CACNA1C: variants seen among roughly 807,000 people sequenced by gnomAD.
CACNA1C encodes the protein voltage-dependent L-type calcium channel subunit alpha-1C.
CACNA1C carries 30 observed loss-of-function variants against 229.0 expected under a neutral mutation model. The observed-to-expected ratio is 0.13, with a 90% CI of 0.10 to 0.18. CACNA1C has a LOEUF of 0.18. Ranked by LOEUF, CACNA1C falls within the 10% of genes least tolerant of loss-of-function variation. The pLI is 1.00. For synonymous variants in CACNA1C, 1,114 were observed against 1,132.5 expected (o/e 0.98, Z 0.33); for missense variants, 1,658 against 2,845.0 (o/e 0.58, Z 9.49).
chr12:2,192,016 A>G (rs981422677), intron 3 of CACNA1C, among the ~76,000 whole-genome samples: 5 of 151,768 alleles, frequency 3.3e-5, no homozygotes, highest in Middle Eastern at 3.4e-3. Context: ...ACATACGTTC[A>G]CACATATACA....
chr12:2,229,788 G>A (rs745616970), intron 3 of CACNA1C, among the ~76,000 whole-genome samples: 5 of 152,306 alleles, frequency 3.3e-5, no homozygotes, highest in African/African-American at 4.8e-5. Context: ...GCGAGGGAGC[G>A]GCATGAGCAG....
intron 3 of CACNA1C, among the ~76,000 whole-genome samples, chr12:2,213,484 A>G (rs1012001400): frequency 1.3e-5 from 2 of 152,198 alleles, no homozygotes; most frequent in Non-Finnish European, 2.9e-5. Context: ...ACACATGGAC[A>G]TCTAGACGGG....
At chr12:2,080,607 A>AAAAACAC (rs1353910712) in intron 1 of CACNA1C, among the ~76,000 whole-genome samples, 1 of 152,014 alleles carries the variant, frequency 6.6e-6, no homozygotes, top group Non-Finnish European at 1.5e-5. Context: ...TCTCAAAAAA[A>AAAAACAC]AAAACAAAAA....
chr12:2,284,809 G>A (rs1276741879), intron 3 of CACNA1C, among the ~76,000 whole-genome samples: 1 of 152,238 alleles, frequency 6.6e-6, no homozygotes, highest in African/African-American at 2.4e-5. Flanking sequence ...AGTCTGCAGG[G>A]AAGGGATGCC....
At position 2,097,535 on chromosome 12, in the gene CACNA1C, A is replaced by G. The variant is rs907080594; in HGVS notation, c.50-17689A>G. Among the ~76,000 whole-genome samples, 11 of 152,028 alleles carry G rather than the reference A, an allele frequency of 7.2e-5. 1 individual carries two copies. Among genetic ancestry groups the G allele is most frequent in the Non-Finnish European group, 1.5e-4 (10 of 68,000 alleles). On this transcript the variant is annotated intron_variant, in intron 1 of 46. Coordinates refer to ENST00000399655, the MANE Select transcript of CACNA1C (RefSeq NM_000719.7). ...CCACCAGCAACACATGAAGTTTCCA[A>G]TTTTTCCACATGATTGCCAATACTT...
intron 9 of CACNA1C, among the ~76,000 whole-genome samples, chr12:2,517,215 A>G (rs1032700259): frequency 1.3e-5 from 2 of 152,230 alleles, no homozygotes; most frequent in African/African-American, 4.8e-5. Flanking sequence ...TCGAGTCTGC[A>G]TGCCTCCTGC....
Position 2,585,697 on chromosome 12 carries a change from G to A in CACNA1C, c.2461-138G>A. The A allele has an allele frequency of 2.3e-6, 2 of 886,488 alleles. No individual in the cohort carries two copies. Among genetic ancestry groups the A allele is most frequent in the Non-Finnish European group, 3.7e-6 (2 of 547,382 alleles). The allele number at this position is 886,488 out of a possible 1,614,324, so 54.9% of individuals were successfully genotyped here. A position where few individuals can be genotyped will look rare whatever the true frequency, so the allele number is the denominator to read the frequency against. Reference sequence around the variant, plus strand: ...GATCCCAGCCATCTGCTGATGTCTTGAAGGAGATATGCAAAGTGACAAGTA... The same window carrying A: ...GATCCCAGCCATCTGCTGATGTCTTAAAGGAGATATGCAAAGTGACAAGTA... On this transcript the variant is annotated intron_variant, in intron 17 of 46. Coordinates refer to ENST00000399655, the MANE Select transcript of CACNA1C (RefSeq NM_000719.7). This position sits in a 1 kb window ranked among gnomAD's most constrained non-coding sequence, Gnocchi z 4.1.
chr12:2,652,842 T>C (rs1010179485), intron 32 of CACNA1C, among the ~76,000 whole-genome samples: 1 of 152,218 alleles, frequency 6.6e-6, no homozygotes, highest in Non-Finnish European at 1.5e-5. Context: ...CCGCTGACTC[T>C]GTACTTGGGT....
chr12:2,059,068 C>A (rs779628542), intron 1 of CACNA1C, among the ~76,000 whole-genome samples: 34 of 152,100 alleles, frequency 2.2e-4, no homozygotes, highest in Admixed American at 1.2e-3. Context: ...TTTCCCCTGC[C>A]GAATTCAGGC....
chr12:2,237,412 G>A (rs974320658), intron 3 of CACNA1C, among the ~76,000 whole-genome samples: 2 of 152,226 alleles, frequency 1.3e-5, no homozygotes, highest in Non-Finnish European at 2.9e-5. Flanking sequence ...GGAGCTGAGA[G>A]AAAATAAACC....
chr12:2,335,819 G>A (rs1256961280), intron 3 of CACNA1C, among the ~76,000 whole-genome samples: 1 of 152,184 alleles, frequency 6.6e-6, no homozygotes, highest in African/African-American at 2.4e-5. Context: ...GCAGGATGAA[G>A]AAAGTTGTTG....
intron 3 of CACNA1C, among the ~76,000 whole-genome samples, chr12:2,280,910 G>A (rs2090994717): frequency 1.3e-5 from 2 of 152,194 alleles, no homozygotes; most frequent in East Asian, 1.9e-4. Flanking sequence ...TGACTTATTA[G>A]CTAAAATCCA....
chr12:2,564,154 A>C (rs1255732395), intron 11 of CACNA1C, among the ~76,000 whole-genome samples: 1 of 152,096 alleles, frequency 6.6e-6, no homozygotes, highest in Non-Finnish European at 1.5e-5. Context: ...ACACACACAC[A>C]CCGGAAACAA....
chr12:2,385,668 C>G (rs2098368170), intron 3 of CACNA1C, among the ~76,000 whole-genome samples: 1 of 152,204 alleles, frequency 6.6e-6, no homozygotes, highest in Non-Finnish European at 1.5e-5. Flanking sequence ...AGAAGCAAAC[C>G]TGGTAAAATT....
intron 1 of CACNA1C, among the ~76,000 whole-genome samples, chr12:2,103,235 T>G (rs1052499610): frequency 6.6e-6 from 1 of 152,206 alleles, no homozygotes; most frequent in Non-Finnish European, 1.5e-5. Context: ...TCCACATCCT[T>G]TCCAGCATCT....
chr12:2,099,108 G>A (rs532940713), intron 1 of CACNA1C, among the ~76,000 whole-genome samples: 19 of 152,352 alleles, frequency 1.2e-4, no homozygotes, highest in African/African-American at 4.6e-4. Flanking sequence ...TCTCGCTGCC[G>A]CTCACTCTGG....
chr12:2,450,350 C>G (rs10848657), intron 4 of CACNA1C, among the ~76,000 whole-genome samples: 3,555 of 151,820 alleles, frequency 0.023, 61 homozygotes, highest in Non-Finnish European at 0.035. Context: ...GTCAGGAGAT[C>G]GAGACCATCC....
chr12:2,204,854 T>TA (rs1181607892), intron 3 of CACNA1C, among the ~76,000 whole-genome samples: 1 of 143,376 alleles, frequency 7.0e-6, no homozygotes, highest in Non-Finnish European at 1.5e-5. Flanking sequence ...GATGATGAGT[T>TA]AGTGGGTGCA....
chr12:1,997,912 T>C, intron 1 of CACNA1C: 1 of 1,581,216 alleles, frequency 6.3e-7, no homozygotes, highest in South Asian at 1.2e-5. Flanking sequence ...ATTAGTTTCT[T>C]TATAAAAGTG....
Sources: allele counts gnomAD v4.1 joint callset (sites outside exome capture counted in the v4.1 genomes callset), GRCh38; gene constraint gnomAD v4.1.1; non-coding constraint Gnocchi (gnomAD v3.1); transcripts MANE v1.5; gene names NCBI Gene and HGNC (gene_info 2026-07-23, HGNC 2026-07-21).